LRRC47: variants seen among roughly 807,000 people sequenced by gnomAD.
The protein encoded by LRRC47 is leucine rich repeat containing 47, also known as leucine-rich repeat-containing protein 47.
LRRC47 carries 31 observed loss-of-function variants against 40.9 expected under a neutral mutation model. The observed-to-expected ratio is 0.76, with a 90% CI of 0.57 to 1.02. The LOEUF (loss-of-function observed/expected upper bound fraction) is 1.02, where lower values mean the gene tolerates loss of function less well. LRRC47 is among the 50% of genes least tolerant of loss of function. The pLI, the probability that LRRC47 is intolerant of heterozygous loss-of-function variation, is 0.00. For missense variants in LRRC47, 726 were observed against 796.1 expected (o/e 0.91, Z 1.06); for synonymous variants, 427 against 371.9 (o/e 1.15, Z -1.70).
At chr1:3,793,152 C>G (rs1643642305) in intron 1 of LRRC47, among the ~76,000 whole-genome samples, 1 of 151,894 alleles carries the variant, frequency 6.6e-6, no homozygotes, top group Non-Finnish European at 1.5e-5. Flanking sequence ...GCTCTTGTTG[C>G]CCAGGCTGGA....
rs146951881 is a variant in LRRC47 at position 3,781,111 on chromosome 1, G to C, written c.1729C>G (p.Pro577Ala). The change falls in exon 7 of 7, where the codon CCC becomes GCC. Residue 577 changes from proline to alanine, a missense_variant. Pro to Ala is a conservative substitution (Grantham distance 27). Transcript: ENST00000378251. ...PSKADLATAP[P>A]HVTVVR ...CGTCAGCGCACGACAGTCACGTGGGGAGGGGCAGTGGCCAGGTCGGCCTTG... is the reference window on the plus strand; with the variant it reads ...CGTCAGCGCACGACAGTCACGTGGGCAGGGGCAGTGGCCAGGTCGGCCTTG... 448 of 1,614,046 alleles carry C rather than the reference G, an allele frequency of 2.8e-4. 1 individual carries two copies. Among genetic ancestry groups the C allele is most frequent in the East Asian group, 1.1e-4 (5 of 44,884 alleles).
intron 5 of LRRC47, among the ~76,000 whole-genome samples, chr1:3,782,212 TTCC>T (rs1032993674): frequency 2.0e-5 from 3 of 151,784 alleles, no homozygotes. Context: ...TTTTTCTTTC[TTCC>T]TCTTCTTTTT....
chr1:3,796,466 G>T lies in LRRC47; in HGVS notation c.11C>A (p.Ala4Glu), dbSNP rs1418902860. Residue 4 changes from alanine (A) to glutamate (E), a missense_variant, in exon 1 of 7, where the codon GCA becomes GAA. Transcript: ENST00000378251. ...CTCCGGCCAAGACTCTGACACCGCT[G>T]CCGCCGCCATGGCGCCTCAGCTGCT... MAAAAVSESWPELE... is the reference protein window; with the variant it reads MAAEAVSESWPELE... The T allele has an allele frequency of 2.7e-6, 4 of 1,508,766 alleles. No homozygotes were observed. Among genetic ancestry groups the T allele is most frequent in the Non-Finnish European group, 2.6e-6 (3 of 1,137,358 alleles). The allele number at this position is 1,508,766 out of a possible 1,614,324, so 93.5% of individuals were successfully genotyped here. A position where few individuals can be genotyped will look rare whatever the true frequency, so the allele number is the denominator to read the frequency against.
chr1:3,795,469 G>A lies in LRRC47; in HGVS notation c.615+393C>T, dbSNP rs533039574. Among the ~76,000 whole-genome samples, 3 of 152,324 alleles carry A rather than the reference G, an allele frequency of 2.0e-5. No individual in the cohort carries two copies. The East Asian group carries it at 5.8e-4, about 29-fold the overall frequency. Reference sequence around the variant, plus strand: ...AGCATGTGGCATTATGCAAAATCCAGGGTGCCCCCTTCACCACCAGACTCA... The same window carrying A: ...AGCATGTGGCATTATGCAAAATCCAAGGTGCCCCCTTCACCACCAGACTCA... On this transcript the variant is annotated intron_variant, in intron 1 of 6. Coordinates refer to ENST00000378251, the MANE Select transcript of LRRC47 (RefSeq NM_020710.3).
At position 3,787,884 on chromosome 1, in the gene LRRC47, C is replaced by T. The variant is rs181298273; in HGVS notation, c.616-574G>A. Among the ~76,000 whole-genome samples, 24 of 152,342 alleles carry T rather than the reference C, an allele frequency of 1.6e-4. No individual in the cohort carries two copies. The East Asian group carries it at 3.9e-3, about 24-fold the overall frequency. On this transcript the variant is annotated intron_variant, in intron 1 of 6. Coordinates refer to ENST00000378251, the MANE Select transcript of LRRC47 (RefSeq NM_020710.3). ...TCACGCAGGAAGGAAAGGGGAAAGCCGACTTCAACGGCGATGGGTTCTCAG... is the reference window on the plus strand; with the variant it reads ...TCACGCAGGAAGGAAAGGGGAAAGCTGACTTCAACGGCGATGGGTTCTCAG...
intron 1 of LRRC47, among the ~76,000 whole-genome samples, chr1:3,793,695 G>C (rs1643647420): frequency 6.6e-6 from 1 of 152,102 alleles, no homozygotes; most frequent in Non-Finnish European, 1.5e-5. Context: ...CAGGGTTTTT[G>C]CATGTCTGAT....
chr1:3,790,860 C>T (rs1643620671), intron 1 of LRRC47, among the ~76,000 whole-genome samples: 1 of 147,960 alleles, frequency 6.8e-6, no homozygotes, highest in South Asian at 2.2e-4. Flanking sequence ...TTTGCAGTCT[C>T]GCCCCTCTGG....
chr1:3,793,091 T>C (rs1464122459), intron 1 of LRRC47, among the ~76,000 whole-genome samples: 2 of 151,160 alleles, frequency 1.3e-5, no homozygotes, highest in Non-Finnish European at 2.9e-5. Context: ...ATCTAACCAA[T>C]CCCCATCTTT....
chr1:3,781,694 G>C lies in LRRC47; in HGVS notation c.1414-93C>G, dbSNP rs985076943. 4.8e-6 allele frequency: 5 copies of C among 1,034,580 alleles called. No homozygotes were observed. In the African/African-American group the frequency reaches 8.0e-5, roughly 16 times the overall value. The allele number at this position is 1,034,580 out of a possible 1,614,324, so 64.1% of individuals were successfully genotyped here. ...GTTCTCAGGAAAAATCTACAAAACT[G>C]TGTGGCCAGGCACAGTGGCTCACAC... On this transcript the variant is annotated intron_variant, in intron 5 of 6. Transcript: ENST00000378251.
At chr1:3,794,922 T>C (rs1643659165) in intron 1 of LRRC47, among the ~76,000 whole-genome samples, 1 of 151,164 alleles carries the variant, frequency 6.6e-6, no homozygotes, top group Admixed American at 6.6e-5. Context: ...GGCGTGGTGG[T>C]GTGCGCCTGT....
intron 1 of LRRC47, among the ~76,000 whole-genome samples, chr1:3,792,622 A>T (rs569475716): frequency 7.2e-4 from 109 of 152,078 alleles, no homozygotes; most frequent in African/African-American, 2.2e-3. Flanking sequence ...CACCACACCC[A>T]GCTAATTTTT....
At chr1:3,784,959 C>T (rs141982359) in intron 3 of LRRC47, 128 bp downstream of exon 3, 9,590 of 521,996 alleles carry the variant, frequency 0.018, 130 homozygotes, top group Non-Finnish European at 0.024. Context: ...TGTGCCACTG[C>T]ACTCCAGCCT....
At chr1:3,792,157 A>G (rs1253019629) in intron 1 of LRRC47, among the ~76,000 whole-genome samples, 1 of 152,202 alleles carries the variant, frequency 6.6e-6, no homozygotes, top group South Asian at 2.1e-4. Flanking sequence ...GCGAAATTCC[A>G]ATGTGCGTAG....
rs1455293290 is a variant in LRRC47 at position 3,780,335 on chromosome 1, C to T, written c.*753G>A. The T allele has an allele frequency of 6.6e-6, 1 of 152,162 alleles. No homozygotes were observed. 9.4% of individuals were successfully genotyped at this position (152,162 alleles called of 1,614,324 possible). A position where few individuals can be genotyped will look rare whatever the true frequency, so the allele number is the denominator to read the frequency against. ...ATCTACAAGGCCAACGACGAGAGCC[C>T]AGACCAGGATTCCAAACACACTGCA... On this transcript the variant is annotated 3_prime_UTR_variant, in exon 7 of 7. Coordinates refer to ENST00000378251, the MANE Select transcript of LRRC47 (RefSeq NM_020710.3).
At chr1:3,789,316 G>A (rs771808128) in intron 1 of LRRC47, among the ~76,000 whole-genome samples, 3 of 152,278 alleles carry the variant, frequency 2.0e-5, no homozygotes, top group Admixed American at 6.5e-5. Context: ...AAGCTCGGGG[G>A]CACAGGCATC....
In LRRC47 at chr1:3,785,106, C is replaced by T. The variant is rs139681433; in HGVS notation, c.1175G>A (p.Arg392Gln). The T allele has an allele frequency of 1.7e-4, 277 of 1,598,248 alleles. 1 individual carries two copies. The highest frequency in any genetic ancestry group is 2.1e-4 in the South Asian group (19 of 89,908). ...CAGCACCTTGAGGTCCTGTGGGGGC[C>T]GGGCGCAGTACAGCAGGGGCCCTTT... ...AVKGPLLYCA[R>Q]PPQDLKIVPL... The change falls in exon 3 of 7, where the codon CGG (arginine) becomes CAG (glutamine). Residue 392 changes from arginine (R) to glutamine (Q), a missense_variant. Physicochemically the swap from Arg to Gln is conservative, Grantham distance 43. Coordinates refer to ENST00000378251, the MANE Select transcript of LRRC47 (RefSeq NM_020710.3).
Position 3,795,900 on chromosome 1 carries a change from C to A in LRRC47, c.577G>T (p.Glu193Ter). 1 of 1,597,660 alleles carries A rather than the reference C, an allele frequency of 6.3e-7. No individual in the cohort carries two copies. The change falls in exon 1 of 7, where the codon GAA (glutamate) becomes TAA (stop). Residue 193 changes from glutamate (E) to a stop codon, truncating the protein, a stop_gained. Coordinates refer to ENST00000378251, the MANE Select transcript of LRRC47 (RefSeq NM_020710.3). LOFTEE classifies it high-confidence loss of function. Reference sequence around the variant, plus strand: ...AGGTGGGCGATGTCGGGGCTGAGTTCTCGGAGGCAGTTGTCAGCAGCCGCC... The same window carrying A: ...AGGTGGGCGATGTCGGGGCTGAGTTATCGGAGGCAGTTGTCAGCAGCCGCC... The part of the protein sequence containing the change: ...ELAAADNCLR[E>*]LSPDIAHLAS...
chr1:3,796,288 CA>C lies in LRRC47; in HGVS notation c.188del (p.Leu63CysfsTer29). On this transcript the variant is annotated frameshift_variant, in exon 1 of 7. Transcript: ENST00000378251. LOFTEE classifies it high-confidence loss of function. ...HYLEVSGCGS[L>X]RAPGPGLAQG... ...GCGCCAGGCCAGGCCCCGGCGCGCG[CA>C]AGCTCCCGCAGCCGCTCACTTCCAA... 6.7e-7 allele frequency: 1 copy of C among 1,481,580 alleles called. No individual in the cohort carries two copies. The highest frequency in any genetic ancestry group is 8.9e-7 in the Non-Finnish European group (1 of 1,124,612). The allele number at this position is 1,481,580 out of a possible 1,614,324, so 91.8% of individuals were successfully genotyped here.
chr1:3,781,232 C>A lies in LRRC47; in HGVS notation c.1608G>T (p.Thr536=). 1.2e-6 allele frequency: 2 copies of A among 1,614,192 alleles called. No homozygotes were observed. The highest frequency in any genetic ancestry group is 1.7e-6 in the Non-Finnish European group (2 of 1,180,046). ...GCCCGTCCTTTCCAGCACTGGGATT[C>A]GTTGTGGGATCTGGAAGTTGTCCAG... The part of the protein sequence containing the change: ...AVSGQLPDPT[T]NPSAGKDGPS... Residue 536 remains threonine (T), a synonymous_variant, in exon 7 of 7, where the codon ACG becomes ACT. Transcript: ENST00000378251.
Sources: allele counts gnomAD v4.1 joint callset (sites outside exome capture counted in the v4.1 genomes callset), GRCh38; gene constraint gnomAD v4.1.1; transcripts MANE v1.5; gene names NCBI Gene and HGNC (gene_info 2026-07-23, HGNC 2026-07-21).